PAX5: variants seen among roughly 807,000 people sequenced by gnomAD.
PAX5 encodes paired box 5.
Under a neutral mutation model 43.7 loss-of-function variants are expected in PAX5, and 9 were observed. That is an observed-to-expected ratio of 0.21 (90% CI 0.12 to 0.36). The LOEUF is 0.36. Among genes scored for constraint, PAX5 ranks in the 10% least tolerant of loss-of-function variants. The pLI is 1.00. For synonymous variants in PAX5, 228 were observed against 214.3 expected, an observed-to-expected ratio of 1.06 and a Z score of -0.56; for missense variants, 383 against 532.7, an observed-to-expected ratio of 0.72 and a Z score of 2.77.
intron 5 of PAX5, among the ~76,000 whole-genome samples, chr9:36,995,206 A>G (rs1211535011): frequency 6.6e-6 from 1 of 152,262 alleles, no homozygotes. Context: ...TGGACCCTAA[A>G]GAATCCTTGG....
chr9:36,982,728 G>A (rs532717169), intron 5 of PAX5, among the ~76,000 whole-genome samples: 15 of 152,306 alleles, frequency 9.8e-5, no homozygotes, highest in Admixed American at 6.5e-5. Context: ...CCCATGGAGC[G>A]GGGTCACGTA....
chr9:36,985,369 G>C (rs1836304556), intron 5 of PAX5, among the ~76,000 whole-genome samples: 1 of 152,182 alleles, frequency 6.6e-6, no homozygotes, highest in African/African-American at 2.4e-5. Context: ...AGTGAGTGAG[G>C]GAATGCCAGC....
chr9:36,973,074 G>A (rs1279776117), intron 5 of PAX5, among the ~76,000 whole-genome samples: 3 of 58,920 alleles, frequency 5.1e-5, no homozygotes, highest in East Asian at 8.6e-4. Context: ...GGAAAGGAAC[G>A]GAACGGAACG....
chr9:36,885,999 A>C (rs1201901358), intron 7 of PAX5, among the ~76,000 whole-genome samples: 1 of 152,020 alleles, frequency 6.6e-6, no homozygotes, highest in African/African-American at 2.4e-5. Context: ...GGATGGGAGC[A>C]CTCGGCAAGC....
intron 6 of PAX5, among the ~76,000 whole-genome samples, chr9:36,951,984 A>G (rs949582762): frequency 6.6e-6 from 1 of 152,198 alleles, no homozygotes; most frequent in Non-Finnish European, 1.5e-5. Context: ...AACTTAGATC[A>G]GCCTCCTCCC....
intron 6 of PAX5, among the ~76,000 whole-genome samples, chr9:36,953,734 C>T (rs563589202): frequency 1.3e-5 from 2 of 152,216 alleles, no homozygotes; most frequent in East Asian, 3.9e-4. Context: ...ATGTTGTTTA[C>T]TTTTTCCATT....
chr9:36,841,494 C>T (rs922764378), intron 9 of PAX5, among the ~76,000 whole-genome samples: 1 of 152,248 alleles, frequency 6.6e-6, no homozygotes, highest in African/African-American at 2.4e-5. Flanking sequence ...AGCCCCCTGC[C>T]CTGAGCTCAC....
chr9:36,991,326 T>C (rs1836920098), intron 5 of PAX5, among the ~76,000 whole-genome samples: 1 of 152,070 alleles, frequency 6.6e-6, no homozygotes, highest in Non-Finnish European at 1.5e-5. Context: ...GCTCTAGTGC[T>C]CTCTGGTACA....
At position 36,934,098 on chromosome 9, in the gene PAX5, C is replaced by T. The variant is rs947284111; in HGVS notation, c.781-10614G>A. On this transcript the variant is annotated intron_variant, in intron 6 of 9. Coordinates refer to ENST00000358127, the MANE Select transcript of PAX5 (RefSeq NM_016734.3). ...GCCTGACAGCAACCAGGGGAGGCAG[C>T]GTGGCTGAGGAATTCCACCGGGTCT... Among the ~76,000 whole-genome samples the T allele has an allele frequency of 7.2e-5, 11 of 152,340 alleles. 1 individual carries two copies. Among genetic ancestry groups the T allele is most frequent in the East Asian group, 1.9e-4 (1 of 5,184 alleles).
chr9:36,973,190 A>C (rs144792851), intron 5 of PAX5, among the ~76,000 whole-genome samples: 321 of 138,036 alleles, frequency 2.3e-3, no homozygotes, highest in African/African-American at 8.1e-3. Flanking sequence ...GAAAGGAAAA[A>C]CTGTGAAAAT....
intron 6 of PAX5, among the ~76,000 whole-genome samples, chr9:36,937,214 G>A (rs966596419): frequency 6.6e-5 from 10 of 152,184 alleles, no homozygotes; most frequent in South Asian, 2.1e-4. Flanking sequence ...ATGTTAAAAT[G>A]TATTACTAAT....
chr9:36,865,487 G>T (rs1412545608), intron 8 of PAX5, among the ~76,000 whole-genome samples: 1 of 152,204 alleles, frequency 6.6e-6, no homozygotes, highest in Non-Finnish European at 1.5e-5. Flanking sequence ...CTCAGGGATT[G>T]TCTGATGAAT....
At chr9:36,841,236 A>G (rs943720956) in intron 9 of PAX5, among the ~76,000 whole-genome samples, 2 of 152,208 alleles carry the variant, frequency 1.3e-5, no homozygotes, top group Non-Finnish European at 2.9e-5. Context: ...TGTCTCATAC[A>G]TACACAATGC....
intron 7 of PAX5, chr9:36,923,024 T>G: frequency 3.9e-6 from 1 of 259,622 alleles, no homozygotes; most frequent in Non-Finnish European, 7.3e-6. Flanking sequence ...GCCTTTCTCA[T>G]GAAAGAAATA....
chr9:36,837,023 C>G lies in PAX5; in HGVS notation c.*3537G>C, dbSNP rs1438937618. ...AAACAAAGCCGCCAACCTGCAGGCCCCTAGGTCAGGCCAGCCTCTGGGTCC... is the reference window on the plus strand; with the variant it reads ...AAACAAAGCCGCCAACCTGCAGGCCGCTAGGTCAGGCCAGCCTCTGGGTCC... On this transcript the variant is annotated 3_prime_UTR_variant, in exon 10 of 10. Coordinates refer to ENST00000358127, the MANE Select transcript of PAX5 (RefSeq NM_016734.3). 4.3e-6 allele frequency: 1 copy of G among 232,882 alleles called. No homozygotes were observed. The allele number at this position is 232,882 out of a possible 1,614,324, so 14.4% of individuals were successfully genotyped here.
chr9:36,928,895 T>C (rs1830877450), intron 6 of PAX5, among the ~76,000 whole-genome samples: 1 of 152,186 alleles, frequency 6.6e-6, no homozygotes, highest in Admixed American at 6.5e-5. Context: ...CCTCCTACAA[T>C]TCAACACCAG....
chr9:36,858,652 C>G (rs1823891989), intron 8 of PAX5, among the ~76,000 whole-genome samples: 2 of 152,218 alleles, frequency 1.3e-5, no homozygotes, highest in Admixed American at 1.3e-4. Flanking sequence ...CCCCCAGCCT[C>G]TATTACTGGC....
At chr9:36,999,953 CT>C (rs1837707373) in intron 5 of PAX5, among the ~76,000 whole-genome samples, 1 of 152,114 alleles carries the variant, frequency 6.6e-6, no homozygotes, top group African/African-American at 2.4e-5. Context: ...CAAAGCGCAT[CT>C]CTGAAAGGGC....
intron 5 of PAX5, among the ~76,000 whole-genome samples, chr9:36,981,239 T>C (rs10973151): frequency 0.35 from 51,439 of 145,312 alleles, 9,674 homozygotes; most frequent in East Asian, 0.62. Context: ...AGCTTTGTTT[T>C]CCTCCAGAGC....
Sources: allele counts gnomAD v4.1 joint callset (sites outside exome capture counted in the v4.1 genomes callset), GRCh38; gene constraint gnomAD v4.1.1; transcripts MANE v1.5; gene names NCBI Gene and HGNC (gene_info 2026-07-23, HGNC 2026-07-21).